PRKCE: variants seen among roughly 807,000 people sequenced by gnomAD.
The protein encoded by PRKCE is protein kinase C epsilon.
PRKCE carries 16 observed loss-of-function variants against 85.4 expected under a neutral mutation model. The observed-to-expected ratio is 0.19, with a 90% CI of 0.13 to 0.28. PRKCE has a LOEUF of 0.28. PRKCE is among the 10% of genes least tolerant of loss of function. The pLI, the probability that PRKCE is intolerant of heterozygous loss-of-function variation, is 1.00. For synonymous variants in PRKCE, 388 were observed against 371.5 expected (o/e 1.04, Z -0.51); for missense variants, 573 against 975.2 (o/e 0.59, Z 5.49).
At chr2:45,989,490 C>T (rs1336611374) in intron 6 of PRKCE, among the ~76,000 whole-genome samples, 1 of 152,098 alleles carries the variant, frequency 6.6e-6, no homozygotes, top group Admixed American at 6.5e-5. Flanking sequence ...TGGCTTAGTG[C>T]CCTTGGCTTT....
At chr2:45,661,826 A>C (rs1675676734) in intron 1 of PRKCE, among the ~76,000 whole-genome samples, 1 of 151,898 alleles carries the variant, frequency 6.6e-6, no homozygotes, top group African/African-American at 2.4e-5. Flanking sequence ...GGCGTGAGCT[A>C]CTGTCCCCAG....
At chr2:46,122,080 G>A (rs751008726) in intron 11 of PRKCE, among the ~76,000 whole-genome samples, 1 of 152,002 alleles carries the variant, frequency 6.6e-6, no homozygotes, top group Non-Finnish European at 1.5e-5. Context: ...TAACCCAAAC[G>A]AAGATACAGC....
At chr2:46,113,848 G>C (rs887879101) in intron 11 of PRKCE, among the ~76,000 whole-genome samples, 3 of 152,166 alleles carry the variant, frequency 2.0e-5, no homozygotes, top group Non-Finnish European at 4.4e-5. Flanking sequence ...TCCTGAACGA[G>C]GACCAGCCAC....
chr2:46,040,795 A>C (rs954430986), intron 10 of PRKCE, among the ~76,000 whole-genome samples: 2 of 152,226 alleles, frequency 1.3e-5, no homozygotes, highest in Non-Finnish European at 2.9e-5. Flanking sequence ...GCAGTGCTAA[A>C]GACTTACTAA....
intron 12 of PRKCE, among the ~76,000 whole-genome samples, chr2:46,148,616 G>A (rs1183431867): frequency 6.6e-6 from 1 of 152,262 alleles, no homozygotes; most frequent in Non-Finnish European, 1.5e-5. Context: ...GGCCATGCAT[G>A]CTAGCCAGTC....
intron 1 of PRKCE, among the ~76,000 whole-genome samples, chr2:45,793,149 G>C (rs1316287847): frequency 2.0e-5 from 3 of 152,252 alleles, no homozygotes; most frequent in Non-Finnish European, 4.4e-5. Flanking sequence ...AAGCAGGGCA[G>C]AGAAGAGGTG....
chr2:45,766,895 G>T (rs1391168380), intron 1 of PRKCE, among the ~76,000 whole-genome samples: 4 of 152,140 alleles, frequency 2.6e-5, no homozygotes, highest in African/African-American at 4.8e-5. Flanking sequence ...AAAAAAATTA[G>T]CCGGGCATGA....
chr2:45,877,934 A>G (rs1017635146), intron 2 of PRKCE, among the ~76,000 whole-genome samples: 4 of 152,250 alleles, frequency 2.6e-5, no homozygotes, highest in African/African-American at 9.6e-5. Flanking sequence ...CCACATCCAG[A>G]CAATGAGATG....
chr2:46,131,070 G>A (rs901980125), intron 11 of PRKCE, among the ~76,000 whole-genome samples: 1 of 152,222 alleles, frequency 6.6e-6, no homozygotes, highest in Non-Finnish European at 1.5e-5. Flanking sequence ...CTAGTGTGAG[G>A]ATAAATCCGG....
At chr2:45,888,274 A>G (rs1437171703) in intron 2 of PRKCE, among the ~76,000 whole-genome samples, 2 of 152,154 alleles carry the variant, frequency 1.3e-5, no homozygotes, top group Non-Finnish European at 2.9e-5. Context: ...GGAGAACTCT[A>G]GTCTCACTGT....
In PRKCE at chr2:46,001,377, C is replaced by G. The variant is rs751549720; in HGVS notation, c.824-27C>G. ...AACATCTTAGGCCATGAACACTTAT[C>G]TGTCTTTTCTCCATGTCTCCTTACA... On this transcript the variant is annotated intron_variant, in intron 6 of 14. Coordinates refer to ENST00000306156, the MANE Select transcript of PRKCE (RefSeq NM_005400.3). This position sits in a 1 kb window ranked among gnomAD's most constrained non-coding sequence, Gnocchi z 4.4. 1.3e-6 allele frequency: 2 copies of G among 1,587,304 alleles called. No individual in the cohort carries two copies. Among genetic ancestry groups the G allele is most frequent in the East Asian group, 2.2e-5 (1 of 44,462 alleles).
intron 1 of PRKCE, among the ~76,000 whole-genome samples, chr2:45,780,242 G>A (rs1221977106): frequency 6.6e-6 from 1 of 152,188 alleles, no homozygotes; most frequent in Non-Finnish European, 1.5e-5. Context: ...GCATTTGAGT[G>A]CTGTTTTTTA....
chr2:45,899,603 G>A (rs1696420537), intron 2 of PRKCE, among the ~76,000 whole-genome samples: 1 of 152,034 alleles, frequency 6.6e-6, no homozygotes, highest in African/African-American at 2.4e-5. Flanking sequence ...GGCTGGTCTT[G>A]AACTCCTGGG....
intron 2 of PRKCE, among the ~76,000 whole-genome samples, chr2:45,962,197 A>T (rs937847891): frequency 2.6e-5 from 4 of 152,226 alleles, no homozygotes; most frequent in Non-Finnish European, 4.4e-5. Flanking sequence ...AGCAAGGTGT[A>T]GGATGGAAGG....
intron 2 of PRKCE, among the ~76,000 whole-genome samples, chr2:45,880,273 G>A (rs1694782545): frequency 6.6e-6 from 1 of 152,192 alleles, no homozygotes; most frequent in African/African-American, 2.4e-5. Context: ...TCTGTTATCA[G>A]ACACCTTGGT....
intron 1 of PRKCE, among the ~76,000 whole-genome samples, chr2:45,724,275 A>T (rs1680872924): frequency 6.6e-6 from 1 of 152,160 alleles, no homozygotes; most frequent in African/African-American, 2.4e-5. Context: ...TTACTATTAT[A>T]ACTGTTTTGG....
intron 2 of PRKCE, among the ~76,000 whole-genome samples, chr2:45,863,278 C>T (rs79216542): frequency 2.9e-3 from 445 of 152,162 alleles, no homozygotes; most frequent in Middle Eastern, 0.014. Context: ...CACTGTGTTG[C>T]CTATATAATG....
intron 1 of PRKCE, among the ~76,000 whole-genome samples, chr2:45,806,136 C>A (rs1422193886): frequency 6.6e-6 from 1 of 152,166 alleles, no homozygotes; most frequent in Non-Finnish European, 1.5e-5. Context: ...CTCATCCCAA[C>A]CTTCAAGGGG....
chr2:46,111,520 T>C (rs1386821742), intron 11 of PRKCE, among the ~76,000 whole-genome samples: 1 of 152,190 alleles, frequency 6.6e-6, no homozygotes, highest in Non-Finnish European at 1.5e-5. Flanking sequence ...CCCTGAGCCT[T>C]AGGCATTCAC....
Sources: gnomAD v4.1 joint callset for allele counts (sites outside exome capture counted in the v4.1 genomes callset) on GRCh38, gnomAD v4.1.1 for gene constraint, Gnocchi (gnomAD v3.1) non-coding constraint, MANE v1.5 for transcripts, NCBI Gene and HGNC (gene_info 2026-07-23, HGNC 2026-07-21) for gene names.